The following RNF6 variants were observed in gnomAD, a reference collection of about 807,000 sequenced individuals.
RNF6 encodes ring finger protein 6.
In RNF6, 21 loss-of-function variants were observed where a neutral mutation model predicts 50.1. That is an observed-to-expected ratio of 0.42 (90% CI 0.30 to 0.60). The LOEUF (loss-of-function observed/expected upper bound fraction) is 0.60. RNF6 is among the 20% of genes least tolerant of loss of function. The pLI is 0.20. For synonymous variants in RNF6, 255 were observed against 291.8 expected (o/e 0.87, Z 1.29); for missense variants, 698 against 838.2 (o/e 0.83, Z 2.07).
chr13:26,214,806 C>A lies in RNF6; in HGVS notation c.1076G>T (p.Arg359Leu). 6.2e-7 allele frequency: 1 copy of A among 1,614,174 alleles called. No individual in the cohort carries two copies. The part of the protein sequence containing the change: ...VFLEQDRERE[R>L]RGTAYTPFSN... ...GAATGGGGTATATGCAGTACCTCTG[C>A]GTTCTCGTTCTCTATCTTGCTCTAA... Residue 359 changes from arginine (R) to leucine (L), a missense_variant, in exon 5 of 5, where the codon CGC becomes CTC. Physicochemically the swap from Arg to Leu is moderately radical, Grantham distance 102 (BLOSUM62 -2). Coordinates refer to ENST00000381588, the MANE Select transcript of RNF6 (RefSeq NM_005977.4).
At chr13:26,166,601 A>T (rs888618614) in intron 5 of RNF6, among the ~76,000 whole-genome samples, 1 of 152,142 alleles carries the variant, frequency 6.6e-6, no homozygotes, top group Non-Finnish European at 1.5e-5. Context: ...AATCTCATTC[A>T]CTCTTGCCAC....
chr13:26,165,524 C>T lies in RNF6; in HGVS notation n.769-33073G>A, dbSNP rs200837192. Reference sequence around the variant, plus strand: ...AGCTTGCACTGTGCACCTGGAAAAGCCACAGACACTCAATGCCAACCCATG... The same window carrying T: ...AGCTTGCACTGTGCACCTGGAAAAGTCACAGACACTCAATGCCAACCCATG... On this transcript the variant is annotated intron_variant and non_coding_transcript_variant, in intron 5 of 5. Coordinates refer to the RNF6 transcript ENST00000468480. 3.6e-4 allele frequency among the ~76,000 whole-genome samples: 55 copies of T among 152,256 alleles called. 1 individual carries two copies. The highest frequency in any genetic ancestry group is 1.3e-3 in the African/African-American group (53 of 41,534).
In RNF6 at chr13:26,161,404, G is replaced by A. The variant is rs143694711; in HGVS notation, n.769-28953C>T. On this transcript the variant is annotated intron_variant and non_coding_transcript_variant, in intron 5 of 5. Transcript: ENST00000468480. ...ATAAAATTTTATGAACTGTATGAAT[G>A]GTTTGGGTAAAGTTGACCTTCACAC... is the stretch of plus-strand genomic sequence containing the variant. 2.0e-3 allele frequency among the ~76,000 whole-genome samples: 310 copies of A among 152,266 alleles called. 1 individual carries two copies. The highest frequency in any genetic ancestry group is 3.5e-3 in the Non-Finnish European group (241 of 68,006).
Position 26,155,357 on chromosome 13 carries a change from CT to C in RNF6, n.769-22907del, listed in dbSNP as rs369363915. On this transcript the variant is annotated intron_variant and non_coding_transcript_variant, in intron 5 of 5. Coordinates refer to the RNF6 transcript ENST00000468480. ...CAGAGAAAACCCCCATGGTATGTTT[CT>C]TTTTTTTTTTTAATTCTACTTTGTG... Among the ~76,000 whole-genome samples, 817 of 144,584 alleles carry C rather than the reference CT, an allele frequency of 5.7e-3. 2 individuals are homozygous for C. Among genetic ancestry groups the C allele is most frequent in the African/African-American group, 0.016 (647 of 39,802 alleles). 94.9% of individuals were successfully genotyped at this position (144,584 alleles called of 152,430 possible). A position where few individuals can be genotyped will look rare whatever the true frequency, so the allele number is the denominator to read the frequency against.
intron 5 of RNF6, among the ~76,000 whole-genome samples, chr13:26,141,578 A>G (rs1349519258): frequency 6.6e-6 from 1 of 152,174 alleles, no homozygotes; most frequent in South Asian, 2.1e-4. Context: ...ATAAAGCAGC[A>G]TATCGACAAC....
At position 26,172,015 on chromosome 13, in the gene RNF6, CACTT is replaced by C. The variant is rs1233605570; in HGVS notation, n.769-39568_769-39565del. On this transcript the variant is annotated intron_variant and non_coding_transcript_variant, in intron 5 of 5. Transcript: ENST00000468480. ...AATAGTTGCATAACTTTGTGAATGA[CACTT>C]AATGCCACTAAATAGTATATTTTAA... is the stretch of plus-strand genomic sequence containing the variant. Among the ~76,000 whole-genome samples the C allele has an allele frequency of 2.0e-5, 3 of 152,264 alleles. No individual in the cohort carries two copies. In the South Asian group the frequency reaches 6.2e-4, roughly 32 times the overall value.
At chr13:26,147,224 G>C (rs1871297669) in intron 5 of RNF6, among the ~76,000 whole-genome samples, 1 of 152,138 alleles carries the variant, frequency 6.6e-6, no homozygotes, top group Admixed American at 6.5e-5. Flanking sequence ...TTCTTTTGAA[G>C]TGTAGTACAT....
intron 5 of RNF6, among the ~76,000 whole-genome samples, chr13:26,150,269 G>A (rs974373290): frequency 1.3e-5 from 2 of 151,846 alleles, no homozygotes; most frequent in South Asian, 2.1e-4. Context: ...ATTATAAACC[G>A]ATCGAAAGGA....
intron 5 of RNF6, among the ~76,000 whole-genome samples, chr13:26,169,347 G>A (rs2137628922): frequency 6.6e-6 from 1 of 152,108 alleles, no homozygotes; most frequent in South Asian, 2.1e-4. Flanking sequence ...AGACGAAAGG[G>A]GAGGAGGGCA....
intron 5 of RNF6, among the ~76,000 whole-genome samples, chr13:26,157,276 A>T (rs977996663): frequency 2.6e-5 from 4 of 152,136 alleles, no homozygotes; most frequent in Non-Finnish European, 5.9e-5. Flanking sequence ...AATTTTAAAA[A>T]TTTTAAAAAA....
intron 5 of RNF6, among the ~76,000 whole-genome samples, chr13:26,198,677 A>T (rs1453260087): frequency 6.6e-6 from 1 of 151,960 alleles, no homozygotes; most frequent in African/African-American, 2.4e-5. Context: ...AAAACCATAT[A>T]TATTGAAAAG....
chr13:26,205,197 C>T (rs1309648393), intron 5 of RNF6, among the ~76,000 whole-genome samples: 1 of 97,310 alleles, frequency 1.0e-5, no homozygotes, highest in Non-Finnish European at 2.5e-5. Context: ...CATCTTCTGA[C>T]AATAAGTACA....
At chr13:26,188,777 A>G (rs1873679897) in intron 5 of RNF6, among the ~76,000 whole-genome samples, 1 of 151,560 alleles carries the variant, frequency 6.6e-6, no homozygotes, top group African/African-American at 2.4e-5. Flanking sequence ...CTACAGGCAC[A>G]TGCCACCATG....
rs564772115 is a variant in RNF6, at chr13:26,204,700, A to G, written n.768+10774T>C. 7.3e-4 allele frequency among the ~76,000 whole-genome samples: 111 copies of G among 152,274 alleles called. 1 individual carries two copies. Among genetic ancestry groups the G allele is most frequent in the African/African-American group, 2.6e-3 (108 of 41,546 alleles). On this transcript the variant is annotated intron_variant and non_coding_transcript_variant, in intron 5 of 5. Coordinates refer to the RNF6 transcript ENST00000468480. ...CTATAAGTCTGTACTCATCACCTAA[A>G]TATAACACATTAAATGTTCCTAGTT...
rs1593158982 is a variant in RNF6, at chr13:26,163,578, A to G, written n.769-31127T>C. On this transcript the variant is annotated intron_variant and non_coding_transcript_variant, in intron 5 of 5. Transcript: ENST00000468480. ...AATAAATTTTAAAAAGAAAGAGCAC[A>G]CACTAACTCTGTCCAGGGACCTGGG... is the stretch of plus-strand genomic sequence containing the variant. Among the ~76,000 whole-genome samples the G allele has an allele frequency of 2.0e-5, 3 of 152,344 alleles. No homozygotes were observed. The East Asian group carries it at 5.8e-4, about 29-fold the overall frequency.
rs144604112 is a variant in RNF6 at position 26,146,023 on chromosome 13, C to T, written n.769-13572G>A. On this transcript the variant is annotated intron_variant and non_coding_transcript_variant, in intron 5 of 5. Transcript: ENST00000468480. Reference sequence around the variant, plus strand: ...ATCACCTGACCTCTATAAACCCCTACTTTAACTGGTAGACCACAGTGACAT... The same window carrying T: ...ATCACCTGACCTCTATAAACCCCTATTTTAACTGGTAGACCACAGTGACAT... Among the ~76,000 whole-genome samples the T allele has an allele frequency of 1.8e-4, 28 of 152,320 alleles. No individual in the cohort carries two copies. The East Asian group carries it at 5.4e-3, about 29-fold the overall frequency.
rs148693073 is a variant in RNF6 at position 26,214,959 on chromosome 13, T to C, written c.923A>G (p.Asn308Ser). ...LEPIRLRSTS[N>S]SRSRSPIQRQ... ...CTGAATTGGTGAACGGCTTCGACTATTGGAAGTAGATCGTAATCTTATTGG... is the reference window on the plus strand; with the variant it reads ...CTGAATTGGTGAACGGCTTCGACTACTGGAAGTAGATCGTAATCTTATTGG... The change falls in exon 5 of 5, where the codon AAT becomes AGT. Residue 308 changes from asparagine (N) to serine (S), a missense_variant. Transcript: ENST00000381588. The C allele has an allele frequency of 1.8e-4, 288 of 1,614,112 alleles. No individual in the cohort carries two copies. The highest frequency in any genetic ancestry group is 8.2e-4 in the Admixed American group (49 of 60,012).
chr13:26,204,389 C>T (rs539228386), intron 5 of RNF6, among the ~76,000 whole-genome samples: 2 of 149,086 alleles, frequency 1.3e-5, no homozygotes, highest in East Asian at 4.0e-4. Context: ...CCCAGCTACT[C>T]GGGAGGCTGA....
chr13:26,163,969 G>A (rs575057208), intron 5 of RNF6, among the ~76,000 whole-genome samples: 1 of 152,142 alleles, frequency 6.6e-6, no homozygotes, highest in East Asian at 1.9e-4. Flanking sequence ...GTTAGGAAAA[G>A]TAGTATGAAA....
Sources: gnomAD v4.1 joint callset for allele counts (sites outside exome capture counted in the v4.1 genomes callset) on GRCh38, gnomAD v4.1.1 for gene constraint, MANE v1.5 for transcripts, NCBI Gene and HGNC (gene_info 2026-07-23, HGNC 2026-07-21) for gene names.